TATDN1: variants seen among roughly 807,000 people sequenced by gnomAD.
TATDN1 encodes the protein TatD DNase domain containing 1, also known as deoxyribonuclease TATDN1.
In TATDN1, 40 loss-of-function variants were observed where a neutral mutation model predicts 46.4. The observed-to-expected ratio is 0.86, with a 90% confidence interval of 0.67 to 1.12. TATDN1 has a LOEUF of 1.12. TATDN1 is among the 50% of genes most tolerant of loss of function. TATDN1 has a pLI of 0.00. For missense variants in TATDN1, 326 were observed against 348.4 expected, an observed-to-expected ratio of 0.94 and a Z score of 0.51; for synonymous variants, 95 against 105.6, an observed-to-expected ratio of 0.90 and a Z score of 0.62.
chr8:124,513,321 C>G (rs187959018), intron 6 of TATDN1, among the ~76,000 whole-genome samples: 2 of 152,256 alleles, frequency 1.3e-5, no homozygotes. Flanking sequence ...AGCTTATCCA[C>G]TCTGGAAGAA....
intron 4 of TATDN1, among the ~76,000 whole-genome samples, chr8:124,517,679 A>G (rs1166116624): frequency 6.6e-6 from 1 of 152,214 alleles, no homozygotes; most frequent in East Asian, 1.9e-4. Flanking sequence ...GGATTCCTTT[A>G]ATAATCAGTC....
chr8:124,518,750 G>T, intron 4 of TATDN1, 68 bp downstream of exon 4: 1 of 1,166,344 alleles, frequency 8.6e-7, no homozygotes, highest in Non-Finnish European at 1.3e-6. Context: ...ACCTGAAGCA[G>T]TTTTCAGAAA....
At position 124,522,999 on chromosome 8, in the gene TATDN1, A is replaced by G. The variant is rs767743512; in HGVS notation, c.26T>C (p.Ile9Thr). Reference sequence around the variant, plus strand: ...CATAGGGTCAGTCAAGTTGATACCAATATCTGTAGAAAGCAAAAGTCACTG... The same window carrying G: ...CATAGGGTCAGTCAAGTTGATACCAGTATCTGTAGAAAGCAAAAGTCACTG... MSRFKFID[I>T]GINLTDPMFR... The change falls in exon 2 of 12, where the codon ATT becomes ACT. Residue 9 changes from isoleucine (I) to threonine (T), a missense_variant. Transcript: ENST00000276692. The G allele has an allele frequency of 1.9e-5, 30 of 1,612,240 alleles. No homozygotes were observed. Among genetic ancestry groups the G allele is most frequent in the East Asian group, 1.6e-4 (7 of 44,868 alleles).
At chr8:124,536,098 T>G (rs1257106917) in intron 1 of TATDN1, among the ~76,000 whole-genome samples, 2 of 152,270 alleles carry the variant, frequency 1.3e-5, no homozygotes, top group East Asian at 3.8e-4. Flanking sequence ...CAGATATTTC[T>G]CATTTTTTGG....
intron 11 of TATDN1, among the ~76,000 whole-genome samples, chr8:124,492,057 C>G (rs1207855548): frequency 2.0e-5 from 3 of 151,770 alleles, no homozygotes; most frequent in Admixed American, 6.6e-5. Flanking sequence ...TCACTGCAAC[C>G]TCCGCCTCCC....
chr8:124,506,070 C>G (rs1818382104), intron 8 of TATDN1, among the ~76,000 whole-genome samples: 1 of 151,808 alleles, frequency 6.6e-6, no homozygotes, highest in South Asian at 2.1e-4. Context: ...CACAGTGGCT[C>G]CCATCTGTAA....
chr8:124,525,017 G>A (rs960417150), intron 1 of TATDN1, among the ~76,000 whole-genome samples: 2 of 152,120 alleles, frequency 1.3e-5, no homozygotes, highest in African/African-American at 2.4e-5. Context: ...CAGAAATGCA[G>A]GAAGACTCCT....
chr8:124,497,862 C>T (rs1205558288), intron 9 of TATDN1, among the ~76,000 whole-genome samples: 1 of 152,094 alleles, frequency 6.6e-6, no homozygotes, highest in Non-Finnish European at 1.5e-5. Context: ...TACTTGATTG[C>T]TCAAATATAT....
intron 6 of TATDN1, 130 bp downstream of exon 6, chr8:124,515,616 C>A: frequency 1.2e-6 from 1 of 801,870 alleles, no homozygotes; most frequent in South Asian, 1.8e-5. Context: ...GTTTCACTTA[C>A]TTTTGATATA....
Position 124,515,933 on chromosome 8 carries a change from A to G in TATDN1, c.300T>C (p.Ala100=). The G allele has an allele frequency of 2.5e-6, 4 of 1,614,076 alleles. No individual in the cohort carries two copies. The highest frequency in any genetic ancestry group is 3.4e-6 in the Non-Finnish European group (4 of 1,180,006). Residue 100 remains alanine, a synonymous_variant, in exon 5 of 12, where the codon GCT becomes GCC. Coordinates refer to ENST00000276692, the MANE Select transcript of TATDN1 (RefSeq NM_032026.4). ...DLYLKELLNL[A]ENNKGKVVAI... is the part of the protein sequence containing the mutation. ...CCACAACTTTCCCTTTATTGTTTTC[A>G]GCAAGATTTAGCAACTCCTTTAAGT...
intron 1 of TATDN1, 171 bp downstream of exon 1, chr8:124,538,854 A>G: frequency 1.4e-6 from 1 of 695,030 alleles, no homozygotes; most frequent in East Asian, 2.7e-5. Flanking sequence ...AACCTAGATC[A>G]AGAACCAGAG....
At chr8:124,519,261 T>G (rs1358163226) in intron 3 of TATDN1, among the ~76,000 whole-genome samples, 1 of 152,210 alleles carries the variant, frequency 6.6e-6, no homozygotes, top group Non-Finnish European at 1.5e-5. Context: ...AGGTGTAGTC[T>G]GGTAACTCCC....
At chr8:124,508,405 T>A (rs1818697595) in intron 8 of TATDN1, 69 bp downstream of exon 8, 2 of 1,352,078 alleles carry the variant, frequency 1.5e-6, no homozygotes, top group South Asian at 2.5e-5. Flanking sequence ...CATTTTGTAC[T>A]TGGGAGTATT....
chr8:124,537,963 G>A (rs1821618536), intron 1 of TATDN1, among the ~76,000 whole-genome samples: 1 of 151,652 alleles, frequency 6.6e-6, no homozygotes, highest in Non-Finnish European at 1.5e-5. Flanking sequence ...AAAAAATACT[G>A]CTTAAATAAC....
At position 124,508,513 on chromosome 8, in the gene TATDN1, G is replaced by C. The variant is rs201148205; in HGVS notation, c.477C>G (p.Asp159Glu). 4.9e-5 allele frequency: 79 copies of C among 1,612,478 alleles called. No individual in the cohort carries two copies. In the African/African-American group the frequency reaches 8.2e-4, roughly 17 times the overall value. Reference protein sequence around the residue: ...HCRNSHAEFLDIMKRNRDRCV... With the variant: ...HCRNSHAEFLEIMKRNRDRCV... Reference sequence around the variant, plus strand: ...ACCGATCTCTATTTCTTTTCATTATGTCTGTGAATTAAAAACAAAGAACTT... The same window carrying C: ...ACCGATCTCTATTTCTTTTCATTATCTCTGTGAATTAAAAACAAAGAACTT... Residue 159 changes from aspartate (D) to glutamate (E), a missense_variant and splice_region_variant, in exon 8 of 12, where the codon GAC (aspartate) becomes GAG (glutamate). Physicochemically the swap from Asp to Glu is conservative, Grantham distance 45. Transcript: ENST00000276692.
chr8:124,490,698 T>A (rs1025030628), intron 11 of TATDN1, among the ~76,000 whole-genome samples: 1 of 151,938 alleles, frequency 6.6e-6, no homozygotes, highest in Non-Finnish European at 1.5e-5. Context: ...TTAATGTCCC[T>A]GAGAATTTAG....
chr8:124,512,834 T>C (rs922902946), intron 6 of TATDN1, among the ~76,000 whole-genome samples: 4 of 152,148 alleles, frequency 2.6e-5, no homozygotes, highest in Admixed American at 6.5e-5. Flanking sequence ...TGTGAGTATA[T>C]GCGAGGGGAA....
chr8:124,504,437 AG>A, intron 8 of TATDN1, 90 bp from the exon 9 acceptor site: 1 of 809,190 alleles, frequency 1.2e-6, no homozygotes, highest in South Asian at 3.3e-5. Context: ...GCAAAAATAT[AG>A]ATCCCTGTAA....
At chr8:124,492,195 G>C (rs1466429960) in intron 11 of TATDN1, among the ~76,000 whole-genome samples, 3 of 151,904 alleles carry the variant, frequency 2.0e-5, no homozygotes, top group Non-Finnish European at 4.4e-5. Flanking sequence ...GGCTGGTCTC[G>C]AGCACCTGAC....
Sources: gnomAD v4.1 joint callset for allele counts (sites outside exome capture counted in the v4.1 genomes callset) on GRCh38, gnomAD v4.1.1 for gene constraint, MANE v1.5 for transcripts, NCBI Gene and HGNC (gene_info 2026-07-23, HGNC 2026-07-21) for gene names.